Variants in GRPEL1 observed in about 807,000 individuals in gnomAD.
GRPEL1 encodes GrpE like 1, mitochondrial.
A neutral mutation model predicts 22.1 loss-of-function variants in GRPEL1; 13 were observed. The observed-to-expected ratio is 0.59, with a 90% confidence interval of 0.38 to 0.94. The LOEUF is 0.94. Ranked by LOEUF, GRPEL1 falls within the 40% of genes least tolerant of loss-of-function variation. GRPEL1 has a pLI of 0.00. For missense variants in GRPEL1, 289 were observed against 264.6 expected, an observed-to-expected ratio of 1.09 and a Z score of -0.64; for synonymous variants, 109 against 105.3, an observed-to-expected ratio of 1.03 and a Z score of -0.21.
Position 7,059,486 on chromosome 4 carries a change from T to C in GRPEL1, c.*1376A>G, listed in dbSNP as rs902487470. 4 of 152,188 alleles carry C rather than the reference T, an allele frequency of 2.6e-5. No homozygotes were observed. The highest frequency in any genetic ancestry group is 4.4e-5 in the Non-Finnish European group (3 of 68,036). 9.4% of individuals were successfully genotyped at this position (152,188 alleles called of 1,614,324 possible). On this transcript the variant is annotated 3_prime_UTR_variant, in exon 4 of 4. Coordinates refer to ENST00000264954, the MANE Select transcript of GRPEL1 (RefSeq NM_025196.4). ...GGCAGCGCTGGAGCTCCCAGTCATG[T>C]TTTCTTCAATACACGATGCTGCCTT...
rs1333975013 is a variant in GRPEL1, at chr4:7,064,119, G to A, written c.167C>T (p.Thr56Ile). ...CTTCTCTTCCAGGAGGGTCTTCTCT[G>A]TAGCAGGAGGATCTGCCTTCTGTTC... ...QSEQKADPPATEKTLLEEKVK... is the reference protein window; with the variant it reads ...QSEQKADPPAIEKTLLEEKVK... Residue 56 changes from threonine to isoleucine, a missense_variant, in exon 2 of 4, where the codon ACA becomes ATA. Coordinates refer to ENST00000264954, the MANE Select transcript of GRPEL1 (RefSeq NM_025196.4). 1 of 1,614,068 alleles carries A rather than the reference G, an allele frequency of 6.2e-7. No homozygotes were observed. The highest frequency in any genetic ancestry group is 1.3e-5 in the African/African-American group (1 of 74,922).
intron 3 of GRPEL1, 153 bp from the exon 4 acceptor site, chr4:7,061,361 C>T: frequency 1.6e-6 from 1 of 616,588 alleles, no homozygotes; most frequent in Non-Finnish European, 2.8e-6. Flanking sequence ...TAAAAAACAA[C>T]ACAAAACTCT....
At chr4:7,065,639 T>TA (rs1269846020) in intron 1 of GRPEL1, among the ~76,000 whole-genome samples, 12 of 150,748 alleles carry the variant, frequency 8.0e-5, no homozygotes, top group Non-Finnish European at 1.8e-4. Flanking sequence ...GTAGGATAGG[T>TA]AAGAGTTACG....
chr4:7,061,386 G>C lies in GRPEL1; in HGVS notation c.308-178C>G, dbSNP rs538675981. ...CACAAAACTCTCAAAAGCTACTTGT[G>C]GGATGAGACCCAGAATTTACTAAAT... is the stretch of plus-strand genomic sequence containing the variant. On this transcript the variant is annotated intron_variant, in intron 3 of 3. Coordinates refer to ENST00000264954, the MANE Select transcript of GRPEL1 (RefSeq NM_025196.4). 1.2e-5 allele frequency: 7 copies of C among 577,680 alleles called. No homozygotes were observed. The East Asian group carries it at 2.0e-4, about 17-fold the overall frequency. 35.8% of individuals were successfully genotyped at this position (577,680 alleles called of 1,614,324 possible). A position where few individuals can be genotyped will look rare whatever the true frequency, so the allele number is the denominator to read the frequency against.
chr4:7,067,864 A>C, intron 1 of GRPEL1, 107 bp downstream of exon 1: 1 of 1,196,638 alleles, frequency 8.4e-7, no homozygotes, highest in Non-Finnish European at 1.2e-6. Context: ...GGAGATGCCC[A>C]GCTCCGGGGC....
rs2108789410 is a variant in GRPEL1, at chr4:7,059,078, GT to G, written c.*1783del. ...CCACCTGTTTTTTAGGTCCATGTAG[GT>G]ACACATGGTGTTCACAGGAAAAACT... is the stretch of plus-strand genomic sequence containing the variant. On this transcript the variant is annotated 3_prime_UTR_variant, in exon 4 of 4. Coordinates refer to ENST00000264954, the MANE Select transcript of GRPEL1 (RefSeq NM_025196.4). 1 of 152,270 alleles carries G rather than the reference GT, an allele frequency of 6.6e-6. No individual in the cohort carries two copies. The highest frequency in any genetic ancestry group is 2.4e-5 in the African/African-American group (1 of 41,540). 9.4% of individuals were successfully genotyped at this position (152,270 alleles called of 1,614,324 possible).
chr4:7,064,029 G>A (rs376010941), intron 2 of GRPEL1, 32 bp downstream of exon 2: 387 of 1,604,064 alleles, frequency 2.4e-4, no homozygotes, highest in Middle Eastern at 8.6e-4. Context: ...GTTCAGCCGA[G>A]CCCGCCCCCA....
intron 1 of GRPEL1, among the ~76,000 whole-genome samples, chr4:7,066,239 G>T (rs1455116719): frequency 6.6e-6 from 1 of 152,204 alleles, no homozygotes; most frequent in Non-Finnish European, 1.5e-5. Flanking sequence ...ACTCAGTCAA[G>T]GCTGTTTATT....
intron 1 of GRPEL1, among the ~76,000 whole-genome samples, chr4:7,065,095 C>G (rs1465200681): frequency 1.3e-5 from 2 of 152,190 alleles, no homozygotes; most frequent in African/African-American, 2.4e-5. Flanking sequence ...GACCTAACCA[C>G]GTACTTATGG....
At chr4:7,063,368 A>G (rs1355384432) in intron 2 of GRPEL1, among the ~76,000 whole-genome samples, 1 of 152,180 alleles carries the variant, frequency 6.6e-6, no homozygotes, top group Non-Finnish European at 1.5e-5. Flanking sequence ...TCAGAGGGGT[A>G]AGCCACTGCG....
intron 1 of GRPEL1, chr4:7,067,461 A>C (rs1372928708): frequency 6.3e-6 from 1 of 158,072 alleles, no homozygotes; most frequent in Non-Finnish European, 1.4e-5. Flanking sequence ...AAGTTTCCCG[A>C]GCACCGCTGT....
In GRPEL1 at chr4:7,059,881, A is replaced by T. The variant is rs931637438; in HGVS notation, c.*981T>A. On this transcript the variant is annotated 3_prime_UTR_variant, in exon 4 of 4. Transcript: ENST00000264954. ...GGACGGGCTGCAGCTGCACTGGGGGAGTGTGGCTCTCCCTTTCTGTGTAGA... is the reference window on the plus strand; with the variant it reads ...GGACGGGCTGCAGCTGCACTGGGGGTGTGTGGCTCTCCCTTTCTGTGTAGA... 2 of 151,846 alleles carry T rather than the reference A, an allele frequency of 1.3e-5. No homozygotes were observed. Among genetic ancestry groups the T allele is most frequent in the African/African-American group, 4.8e-5 (2 of 41,308 alleles). The allele number at this position is 151,846 out of a possible 1,614,324, so 9.4% of individuals were successfully genotyped here.
chr4:7,067,324 C>G (rs1260681893), intron 1 of GRPEL1: 2 of 152,264 alleles, frequency 1.3e-5, no homozygotes, highest in Non-Finnish European at 2.9e-5. Flanking sequence ...TCTAAACAAA[C>G]TCTTCGCCCA....
chr4:7,065,099 C>T (rs1724134676), intron 1 of GRPEL1, among the ~76,000 whole-genome samples: 1 of 152,196 alleles, frequency 6.6e-6, no homozygotes, highest in South Asian at 2.1e-4. Flanking sequence ...TAACCACGTA[C>T]TTATGGAATA....
chr4:7,066,135 C>T (rs938973325), intron 1 of GRPEL1, among the ~76,000 whole-genome samples: 2 of 152,174 alleles, frequency 1.3e-5, no homozygotes, highest in African/African-American at 2.4e-5. Flanking sequence ...TTAAATTAGG[C>T]CACAGTCCTA....
chr4:7,064,755 T>A (rs1392037479), intron 1 of GRPEL1, among the ~76,000 whole-genome samples: 1 of 152,188 alleles, frequency 6.6e-6, no homozygotes, highest in East Asian at 1.9e-4. Context: ...CGCGTTGGCC[T>A]CCCAAAGTGC....
At position 7,060,722 on chromosome 4, in the gene GRPEL1, T is replaced by A; in HGVS notation, c.*140A>T. On this transcript the variant is annotated 3_prime_UTR_variant, in exon 4 of 4. Transcript: ENST00000264954. ...TCATTAATGCAGTTGGGCAACCGGC[T>A]TTTCTGTTTAGCCACTGGTTACTTA... 1.3e-6 allele frequency: 1 copy of A among 776,492 alleles called. No homozygotes were observed. The highest frequency in any genetic ancestry group is 1.7e-5 in the South Asian group (1 of 58,466). 48.1% of individuals were successfully genotyped at this position (776,492 alleles called of 1,614,324 possible).
chr4:7,068,035 C>G lies in GRPEL1; in HGVS notation c.-3G>C. 6.2e-7 allele frequency: 1 copy of G among 1,612,848 alleles called. No individual in the cohort carries two copies. On this transcript the variant is annotated 5_prime_UTR_variant, in exon 1 of 4. Transcript: ENST00000264954. Reference sequence around the variant, plus strand: ...AACCTCACGCACTGAGCCGCCATGACTGCCACTGCCCGTCGCAGTCGCCGC... The same window carrying G: ...AACCTCACGCACTGAGCCGCCATGAGTGCCACTGCCCGTCGCAGTCGCCGC...
rs140117073 is a variant in GRPEL1, at chr4:7,064,176, C to T, written c.110G>A (p.Gly37Asp). ...LCTATKQKNS[G>D]QNLEEDMGQS... is the part of the protein sequence containing the mutation. ...ACCCATGTCCTCTTCCAGGTTCTGG[C>T]CACTGTTCTTTTGTTTCGTGGCTGT... Residue 37 changes from glycine (G) to aspartate (D), a missense_variant, in exon 2 of 4, where the codon GGC becomes GAC. Gly to Asp is a moderately conservative substitution (Grantham distance 94). Coordinates refer to ENST00000264954, the MANE Select transcript of GRPEL1 (RefSeq NM_025196.4). 2.0e-4 allele frequency: 327 copies of T among 1,614,154 alleles called. No homozygotes were observed. The East Asian group carries it at 6.2e-3, about 31-fold the overall frequency.
Sources: allele counts gnomAD v4.1 joint callset (sites outside exome capture counted in the v4.1 genomes callset), GRCh38; gene constraint gnomAD v4.1.1; transcripts MANE v1.5; gene names NCBI Gene and HGNC (gene_info 2026-07-23, HGNC 2026-07-21).